The following CYTIP variants were observed in gnomAD, a reference collection of about 807,000 sequenced individuals.
CYTIP encodes cytohesin 1 interacting protein, also known as cytohesin-interacting protein.
CYTIP carries 26 observed loss-of-function variants against 43.8 expected under a neutral mutation model. The ratio of observed to expected loss-of-function variants is 0.59; its 90% CI spans 0.44 to 0.82. The LOEUF (loss-of-function observed/expected upper bound fraction) is 0.82. Ranked by LOEUF, CYTIP falls within the 40% of genes least tolerant of loss-of-function variation. The pLI, the probability that CYTIP is intolerant of heterozygous loss-of-function variation, is 0.00. For synonymous variants in CYTIP, 162 were observed against 162.9 expected, an observed-to-expected ratio of 0.99 and a Z score of 0.04; for missense variants, 426 against 443.1, an observed-to-expected ratio of 0.96 and a Z score of 0.35.
chr2:157,418,724 C>T, intron 6 of CYTIP, 135 bp from the exon 7 acceptor site: 1 of 688,108 alleles, frequency 1.5e-6, no homozygotes, highest in Non-Finnish European at 2.2e-6. Flanking sequence ...TCCATCTCAT[C>T]CATTTAAAAT....
intron 3 of CYTIP, among the ~76,000 whole-genome samples, chr2:157,433,106 A>C (rs1685739889): frequency 6.6e-6 from 1 of 152,210 alleles, no homozygotes; most frequent in Non-Finnish European, 1.5e-5. Flanking sequence ...AAGAAAGGTG[A>C]GTAGTCGTTT....
intron 6 of CYTIP, among the ~76,000 whole-genome samples, chr2:157,422,057 T>A (rs186600974): frequency 9.8e-5 from 15 of 152,332 alleles, no homozygotes; most frequent in African/African-American, 3.4e-4. Flanking sequence ...GAAAAGCTGA[T>A]GCTGCTGGCT....
At chr2:157,426,368 C>T (rs155616) in intron 6 of CYTIP, among the ~76,000 whole-genome samples, 144,441 of 152,254 alleles carry the variant, frequency 0.95, 68,680 homozygotes, top group East Asian at 0.99. Flanking sequence ...TCAAGGAATT[C>T]TATAAATTGA....
At chr2:157,441,606 ACACAC>A in intron 1 of CYTIP, among the ~76,000 whole-genome samples, 1 of 118 alleles carries the variant, frequency 8.5e-3, no homozygotes. Flanking sequence ...ATGCACATAC[ACACAC>A]ACACACACAC....
Position 157,425,846 on chromosome 2 carries a change from C to G in CYTIP, c.546+1505G>C, listed in dbSNP as rs907224126. On this transcript the variant is annotated intron_variant, in intron 6 of 7. Transcript: ENST00000264192. ...TTTACCCCTCATAAAAATGTAGCAA[C>G]AAAAATGTTAGAAATGTTTTCTTTA... 1.5e-3 allele frequency among the ~76,000 whole-genome samples: 228 copies of G among 152,016 alleles called. 2 individuals carry two copies. Among genetic ancestry groups the G allele is most frequent in the Non-Finnish European group, 6.9e-4 (47 of 67,912 alleles).
At chr2:157,438,915 T>C (rs1423452407) in intron 1 of CYTIP, 4 of 418,202 alleles carry the variant, frequency 9.6e-6, no homozygotes, top group South Asian at 7.3e-5. Context: ...GTGCATCTAT[T>C]AGGAACTTCA....
At chr2:157,416,229 C>T in intron 7 of CYTIP, 86 bp from the exon 8 acceptor site, 1 of 1,127,122 alleles carries the variant, frequency 8.9e-7, no homozygotes, top group Non-Finnish European at 1.3e-6. Flanking sequence ...CTTTGAATGA[C>T]ACGAGAAAGA....
At chr2:157,416,756 T>C (rs1685445160) in intron 7 of CYTIP, among the ~76,000 whole-genome samples, 1 of 152,234 alleles carries the variant, frequency 6.6e-6, no homozygotes. Context: ...TTTGGAATAC[T>C]TAAATTCTCT....
At chr2:157,427,547 A>C in intron 5 of CYTIP, 127 bp from the exon 6 acceptor site, 1 of 547,518 alleles carries the variant, frequency 1.8e-6, no homozygotes, top group Non-Finnish European at 2.9e-6. Context: ...CGAAATACAA[A>C]TGTTACAGTT....
In CYTIP at chr2:157,430,951, G is replaced by C; in HGVS notation, c.291C>G (p.Pro97=). ...CCGAGGAGCAGGCATTCTGATTCTG[G>C]GGCCTGTAAGACTGTAAAAATTAAG... ...TFGFEIQSYR[P]QNQNACSSEM... Residue 97 remains proline (P), a synonymous_variant, in exon 4 of 8, where the codon CCC becomes CCG. Transcript: ENST00000264192. 6.2e-7 allele frequency: 1 copy of C among 1,612,080 alleles called. No individual in the cohort carries two copies.
intron 1 of CYTIP, chr2:157,438,952 T>A (rs550219963): frequency 2.9e-5 from 12 of 418,908 alleles, no homozygotes; most frequent in Middle Eastern, 3.4e-4. Flanking sequence ...GTCTTTTGAA[T>A]CAAAAGTCAT....
At chr2:157,437,320 T>C (rs1288693480) in intron 1 of CYTIP, among the ~76,000 whole-genome samples, 1 of 151,566 alleles carries the variant, frequency 6.6e-6, no homozygotes, top group African/African-American at 2.4e-5. Context: ...CATTTATATA[T>C]CCAGAATATA....
chr2:157,414,871 C>CT lies in CYTIP; in HGVS notation c.*805dup, dbSNP rs1488190008. 8 of 152,100 alleles carry CT rather than the reference C, an allele frequency of 5.3e-5. 1 individual carries two copies. The highest frequency in any genetic ancestry group is 1.0e-4 in the Non-Finnish European group (7 of 68,014). 9.4% of individuals were successfully genotyped at this position (152,100 alleles called of 1,614,324 possible). On this transcript the variant is annotated 3_prime_UTR_variant, in exon 8 of 8. Coordinates refer to ENST00000264192, the MANE Select transcript of CYTIP (RefSeq NM_004288.5). The stretch of plus-strand genomic sequence containing the variant: ...TGAAAAAAACTACAGGAGGGAAGTC[C>CT]TTTTCCCAACCCTCAGTTTTGGATG...
intron 6 of CYTIP, among the ~76,000 whole-genome samples, chr2:157,424,516 GAT>G (rs34953634): frequency 8.7e-5 from 13 of 150,130 alleles, no homozygotes; most frequent in Admixed American, 2.0e-4. Context: ...TCCTCAAATT[GAT>G]ATATATATAT....
Position 157,427,395 on chromosome 2 carries a change from T to C in CYTIP, c.502A>G (p.Ile168Val). 9.3e-6 allele frequency: 15 copies of C among 1,609,106 alleles called. No individual in the cohort carries two copies. The highest frequency in any genetic ancestry group is 1.3e-5 in the Non-Finnish European group (15 of 1,178,470). ...GCTTCAAGCTCCGTTCTTTTCAGAA[T>C]CATTGTTCCATTAAGAGTCTCTATC... Reference protein sequence around the residue: ...LTIETLNGTMILKRTELEAKL... With the variant: ...LTIETLNGTMVLKRTELEAKL... The change falls in exon 6 of 8, where the codon ATT (isoleucine) becomes GTT (valine). Residue 168 changes from isoleucine to valine, a missense_variant. Coordinates refer to ENST00000264192, the MANE Select transcript of CYTIP (RefSeq NM_004288.5).
chr2:157,435,481 C>T (rs989211125), intron 1 of CYTIP, among the ~76,000 whole-genome samples: 2 of 152,144 alleles, frequency 1.3e-5, no homozygotes, highest in African/African-American at 4.8e-5. Context: ...TAAATAATAT[C>T]ACCTTCATTC....
chr2:157,418,249 T>C (rs909432921), intron 7 of CYTIP, among the ~76,000 whole-genome samples: 1 of 152,204 alleles, frequency 6.6e-6, no homozygotes, highest in East Asian at 1.9e-4. Context: ...TCTTCCCCAA[T>C]GATTTTCTAA....
intron 6 of CYTIP, among the ~76,000 whole-genome samples, chr2:157,426,993 C>A (rs575165781): frequency 3.2e-4 from 48 of 152,270 alleles, no homozygotes; most frequent in African/African-American, 1.1e-3. Context: ...GTGAAAAACC[C>A]AGGCCCTCCA....
intron 6 of CYTIP, among the ~76,000 whole-genome samples, chr2:157,425,830 C>T (rs1416157791): frequency 7.1e-6 from 1 of 141,794 alleles, no homozygotes; most frequent in Non-Finnish European, 1.5e-5. Context: ...GTTTACCCCT[C>T]ATAAAAATGT....
Sources: allele counts gnomAD v4.1 joint callset (sites outside exome capture counted in the v4.1 genomes callset), GRCh38; gene constraint gnomAD v4.1.1; transcripts MANE v1.5; gene names NCBI Gene and HGNC (gene_info 2026-07-23, HGNC 2026-07-21).